Variants in AK8 observed in about 807,000 individuals in gnomAD.
AK8 encodes the protein ATP-AMP transphosphorylase 8.
Under a neutral mutation model 54.6 loss-of-function variants are expected in AK8, and 44 were observed. The ratio of observed to expected loss-of-function variants is 0.81; its 90% CI spans 0.63 to 1.04. The LOEUF (loss-of-function observed/expected upper bound fraction) is 1.04. Among genes scored for constraint, AK8 ranks in the 50% least tolerant of loss-of-function variants. The pLI is 0.00. For missense variants in AK8, 555 were observed against 613.6 expected (o/e 0.90, Z 1.01); for synonymous variants, 239 against 245.6 (o/e 0.97, Z 0.25).
At chr9:132,750,192 CA>C (rs1837845939) in intron 11 of AK8, among the ~76,000 whole-genome samples, 1 of 151,874 alleles carries the variant, frequency 6.6e-6, no homozygotes, top group Non-Finnish European at 1.5e-5. Context: ...GATCTCGGCT[CA>C]CTGCAACCTC....
chr9:132,753,068 T>C (rs1420831890), intron 11 of AK8, among the ~76,000 whole-genome samples: 2 of 152,192 alleles, frequency 1.3e-5, no homozygotes, highest in African/African-American at 4.8e-5. Flanking sequence ...GTCCTTCCCT[T>C]ACTACTAGGA....
At position 132,787,805 on chromosome 9, in the gene AK8, CT is replaced by C. The variant is rs368802199; in HGVS notation, c.1121+4828del. Among the ~76,000 whole-genome samples, 294 of 152,304 alleles carry C rather than the reference CT, an allele frequency of 1.9e-3. 2 individuals are homozygous for C. The highest frequency in any genetic ancestry group is 5.8e-3 in the African/African-American group (240 of 41,566). Reference sequence around the variant, plus strand: ...CATGTGTTTCCGGTGTAACAGTCCACTGCTTTTAAATCATCTTTTTAACTTG... The same window carrying C: ...CATGTGTTTCCGGTGTAACAGTCCACGCTTTTAAATCATCTTTTTAACTTG... On this transcript the variant is annotated intron_variant, in intron 11 of 12. Transcript: ENST00000298545.
intron 11 of AK8, among the ~76,000 whole-genome samples, chr9:132,758,515 T>C (rs1189313066): frequency 2.6e-5 from 4 of 152,194 alleles, no homozygotes; most frequent in African/African-American, 7.2e-5. Context: ...AATGGTGCGA[T>C]CTCGGCTCAC....
chr9:132,844,369 T>C (rs1468176306), intron 5 of AK8, among the ~76,000 whole-genome samples: 1 of 151,234 alleles, frequency 6.6e-6, no homozygotes, highest in Non-Finnish European at 1.5e-5. Flanking sequence ...TCCTGATGGG[T>C]TATGATTGCG....
At position 132,814,663 on chromosome 9, in the gene AK8, C is replaced by A; in HGVS notation, c.954G>T (p.Gln318His). The A allele has an allele frequency of 1.2e-6, 2 of 1,614,086 alleles. No homozygotes were observed. Among genetic ancestry groups the A allele is most frequent in the Non-Finnish European group, 1.7e-6 (2 of 1,180,002 alleles). ...CTGCCATCTCCTTTTCAAAGAAGGG[C>A]TGGATGAGCTCGCCAAACGTGGTCC... ...ADRTTFGELI[Q>H]PFFEKEMAVP... Residue 318 changes from glutamine to histidine, a missense_variant, in exon 10 of 13, where the codon CAG becomes CAT. Gln to His is a conservative substitution (Grantham distance 24, BLOSUM62 0). Transcript: ENST00000298545.
chr9:132,818,788 C>G (rs752673560), intron 9 of AK8, among the ~76,000 whole-genome samples: 1 of 151,486 alleles, frequency 6.6e-6, no homozygotes, highest in South Asian at 2.1e-4. Context: ...TTTGAGGGTG[C>G]AACGAGCTAT....
intron 5 of AK8, among the ~76,000 whole-genome samples, chr9:132,834,265 A>G (rs963995343): frequency 6.6e-6 from 1 of 152,216 alleles, no homozygotes; most frequent in Non-Finnish European, 1.5e-5. Flanking sequence ...TGGGACAGTG[A>G]TATGTTCTAA....
rs1037385339 is a variant in AK8, at chr9:132,840,865, C to T, written c.403-12139G>A. Among the ~76,000 whole-genome samples the T allele has an allele frequency of 2.6e-5, 4 of 152,118 alleles. No homozygotes were observed. The South Asian group carries it at 8.3e-4, about 32-fold the overall frequency. ...CCGAGATCGCGCCAAAAAAAAAGTA[C>T]ACCATGATGTTGCTGGTAGATCATA... On this transcript the variant is annotated intron_variant, in intron 5 of 12. Coordinates refer to ENST00000298545, the MANE Select transcript of AK8 (RefSeq NM_152572.3).
intron 11 of AK8, among the ~76,000 whole-genome samples, chr9:132,748,407 G>A (rs925886390): frequency 1.5e-4 from 23 of 151,724 alleles, no homozygotes; most frequent in African/African-American, 5.3e-4. Flanking sequence ...GAAGGACAAA[G>A]AGTGGGACGA....
intron 5 of AK8, among the ~76,000 whole-genome samples, chr9:132,834,050 G>A (rs1468489183): frequency 6.6e-6 from 1 of 152,228 alleles, no homozygotes; most frequent in African/African-American, 2.4e-5. Context: ...CCCTGGAGCT[G>A]CATGCTCAAT....
At chr9:132,863,510 C>T (rs1843472400) in intron 4 of AK8, among the ~76,000 whole-genome samples, 155 bp downstream of exon 4, 1 of 152,216 alleles carries the variant, frequency 6.6e-6, no homozygotes, top group African/African-American at 2.4e-5. Context: ...TTCTTCCTTC[C>T]TTCACACCCT....
intron 11 of AK8, among the ~76,000 whole-genome samples, chr9:132,738,198 C>T (rs1233358689): frequency 6.6e-5 from 10 of 152,050 alleles, no homozygotes; most frequent in Non-Finnish European, 1.0e-4. Context: ...TGACTACAGG[C>T]GTGTGCCACC....
intron 9 of AK8, among the ~76,000 whole-genome samples, chr9:132,814,958 G>A (rs1351033446): frequency 2.0e-5 from 3 of 152,236 alleles, no homozygotes; most frequent in African/African-American, 4.8e-5. Flanking sequence ...ATTTGGCAAA[G>A]AACACATTAA....
intron 1 of AK8, among the ~76,000 whole-genome samples, chr9:132,877,556 C>G (rs1345521509): frequency 1.3e-5 from 2 of 152,178 alleles, no homozygotes; most frequent in East Asian, 3.9e-4. Context: ...GGGGCCCTGG[C>G]GGGGACGGGG....
At chr9:132,805,452 A>G (rs1840677131) in intron 10 of AK8, among the ~76,000 whole-genome samples, 1 of 152,180 alleles carries the variant, frequency 6.6e-6, no homozygotes, top group Non-Finnish European at 1.5e-5. Flanking sequence ...TGGGGAGACA[A>G]TGTTGTCGAA....
intron 2 of AK8, among the ~76,000 whole-genome samples, chr9:132,873,752 G>C (rs897852997): frequency 4.6e-5 from 7 of 152,128 alleles, no homozygotes; most frequent in African/African-American, 1.7e-4. Flanking sequence ...GGGGAATGCA[G>C]GAACTACCTC....
At chr9:132,839,249 G>A (rs1842442127) in intron 5 of AK8, among the ~76,000 whole-genome samples, 1 of 152,056 alleles carries the variant, frequency 6.6e-6, no homozygotes, top group Admixed American at 6.6e-5. Flanking sequence ...CAGCTGATGT[G>A]TACCCTTATC....
chr9:132,772,284 G>C (rs1839016100), intron 11 of AK8, among the ~76,000 whole-genome samples: 1 of 152,192 alleles, frequency 6.6e-6, no homozygotes, highest in East Asian at 1.9e-4. Flanking sequence ...ATGTTGTTAG[G>C]GTTGAATTGT....
upstream of AK8, chr9:132,878,517 G>A (rs1564454350): frequency 2.5e-6 from 3 of 1,191,938 alleles, no homozygotes; most frequent in Non-Finnish European, 3.1e-6. The surrounding 1 kb of genome is among the most constrained non-coding windows in gnomAD (Gnocchi z 4.7). Flanking sequence ...GCTTCCAGCT[G>A]GGCCTCCTCG....
Sources: gnomAD v4.1 joint callset for allele counts (sites outside exome capture counted in the v4.1 genomes callset) on GRCh38, gnomAD v4.1.1 for gene constraint, Gnocchi (gnomAD v3.1) non-coding constraint, MANE v1.5 for transcripts, NCBI Gene and HGNC (gene_info 2026-07-23, HGNC 2026-07-21) for gene names.